AHI1: variants seen among roughly 807,000 people sequenced by gnomAD.
AHI1 encodes the protein jouberin.
AHI1 carries 123 observed loss-of-function variants against 149.3 expected under a neutral mutation model. The observed-to-expected ratio is 0.82, with a 90% CI of 0.71 to 0.96. The LOEUF is 0.96. AHI1 is among the 40% of genes least tolerant of loss of function. The probability of loss-of-function intolerance (pLI) is 0.00; values close to 1 mark genes in which losing one functional copy is unlikely to be tolerated. For missense variants in AHI1, 1,439 were observed against 1,422.7 expected, an observed-to-expected ratio of 1.01 and a Z score of -0.18; for synonymous variants, 475 against 459.8, an observed-to-expected ratio of 1.03 and a Z score of -0.42.
intron 21 of AHI1, among the ~76,000 whole-genome samples, chr6:135,409,216 T>G (rs933830140): frequency 2.0e-5 from 3 of 152,182 alleles, no homozygotes; most frequent in East Asian, 3.8e-4. Flanking sequence ...CTGGTGTTTG[T>G]TGCACATATA....
In AHI1 at chr6:135,326,376, A is replaced by G. The variant is rs1787686166; in HGVS notation, c.3166-3052T>C. On this transcript the variant is annotated intron_variant, in intron 24 of 28. Transcript: ENST00000265602. ...AGAAACCGACTGTGCTAGCACCTTG[A>G]TCTTGGTCTTCTAGCCTCCAGAATT... Among the ~76,000 whole-genome samples, 3 of 152,148 alleles carry G rather than the reference A, an allele frequency of 2.0e-5. No homozygotes were observed. In the South Asian group the frequency reaches 6.2e-4, roughly 32 times the overall value.
chr6:135,495,068 C>G (rs1293035323), intron 3 of AHI1, among the ~76,000 whole-genome samples: 1 of 151,964 alleles, frequency 6.6e-6, no homozygotes, highest in Non-Finnish European at 1.5e-5. Flanking sequence ...CAACTGTCTT[C>G]CCATCACCCC....
Position 135,424,480 on chromosome 6 carries a change from T to C in AHI1, c.2764+2687A>G, listed in dbSNP as rs1783664639. ...TTCTCTGACTAGTACTCTGTTATTATGGGAATCCTAAAAGTACATTATTTG... is the reference window on the plus strand; with the variant it reads ...TTCTCTGACTAGTACTCTGTTATTACGGGAATCCTAAAAGTACATTATTTG... On this transcript the variant is annotated intron_variant, in intron 20 of 28. Coordinates refer to ENST00000265602, the MANE Select transcript of AHI1 (RefSeq NM_001134831.2). 1.3e-5 allele frequency among the ~76,000 whole-genome samples: 2 copies of C among 152,056 alleles called. 1 individual carries two copies. Among genetic ancestry groups the C allele is most frequent in the South Asian group, 4.1e-4 (2 of 4,838 alleles).
chr6:135,429,000 T>C (rs1006881885), intron 18 of AHI1, among the ~76,000 whole-genome samples: 1 of 151,644 alleles, frequency 6.6e-6, no homozygotes, highest in Admixed American at 6.6e-5. Context: ...AGAAGGTGGA[T>C]GTAGAACATA....
At chr6:135,491,508 C>A (rs1795244750) in intron 4 of AHI1, among the ~76,000 whole-genome samples, 1 of 152,184 alleles carries the variant, frequency 6.6e-6, no homozygotes, top group African/African-American at 2.4e-5. Context: ...ACAAACTCAT[C>A]TAATTTTCCC....
chr6:135,285,528 G>T lies in AHI1; in HGVS notation c.*117C>A. ...GAGTCATTCATAAGAACAAGAAGTAGTGGATCCTTTCTTCCTCCTTAGTAT... is the reference window on the plus strand; with the variant it reads ...GAGTCATTCATAAGAACAAGAAGTATTGGATCCTTTCTTCCTCCTTAGTAT... On this transcript the variant is annotated 3_prime_UTR_variant, in exon 29 of 29. Coordinates refer to ENST00000265602, the MANE Select transcript of AHI1 (RefSeq NM_001134831.2). 1 of 1,084,564 alleles carries T rather than the reference G, an allele frequency of 9.2e-7. No homozygotes were observed. The highest frequency in any genetic ancestry group is 1.4e-6 in the Non-Finnish European group (1 of 726,762). The allele number at this position is 1,084,564 out of a possible 1,614,324, so 67.2% of individuals were successfully genotyped here. A position where few individuals can be genotyped will look rare whatever the true frequency, so the allele number is the denominator to read the frequency against.
intron 20 of AHI1, among the ~76,000 whole-genome samples, chr6:135,413,604 G>C (rs561590700): frequency 2.6e-4 from 39 of 152,112 alleles, no homozygotes; most frequent in African/African-American, 8.7e-4. Context: ...CTCCATATCT[G>C]TGTAAAAATT....
chr6:135,491,901 C>T (rs1795305069), intron 4 of AHI1, among the ~76,000 whole-genome samples: 2 of 152,098 alleles, frequency 1.3e-5, no homozygotes, highest in East Asian at 1.9e-4. Context: ...ACTAGCTAGC[C>T]CTTTTAGAAA....
intron 23 of AHI1, among the ~76,000 whole-genome samples, chr6:135,367,988 A>T (rs1279420911): frequency 6.6e-6 from 1 of 152,156 alleles, no homozygotes; most frequent in African/African-American, 2.4e-5. Context: ...ATTATGTCAG[A>T]GGGGAAGATC....
chr6:135,465,084 T>C (rs183072888), intron 7 of AHI1, among the ~76,000 whole-genome samples: 44 of 152,314 alleles, frequency 2.9e-4, no homozygotes, highest in Admixed American at 2.6e-3. Context: ...GGGGAATTAT[T>C]TTTGGCTGAG....
chr6:135,351,762 T>C (rs17064452), intron 24 of AHI1, among the ~76,000 whole-genome samples: 2,016 of 152,308 alleles, frequency 0.013, 43 homozygotes, highest in African/African-American at 0.046. Context: ...ATGATCATAT[T>C]TGTGCTTTGG....
intron 11 of AHI1, among the ~76,000 whole-genome samples, chr6:135,449,269 T>G (rs921360830): frequency 8.5e-5 from 13 of 152,102 alleles, no homozygotes; most frequent in Non-Finnish European, 1.5e-5. Context: ...AGGCTGGTCT[T>G]GAACTCCTGG....
At chr6:135,353,459 A>G (rs1202453589) in intron 24 of AHI1, among the ~76,000 whole-genome samples, 1 of 152,118 alleles carries the variant, frequency 6.6e-6, no homozygotes, top group East Asian at 1.9e-4. Context: ...AATAAAGGAC[A>G]TTTCACTTAA....
At chr6:135,420,077 T>C (rs1782935637) in intron 20 of AHI1, among the ~76,000 whole-genome samples, 1 of 152,176 alleles carries the variant, frequency 6.6e-6, no homozygotes, top group Non-Finnish European at 1.5e-5. Flanking sequence ...CTACTTCTAA[T>C]TCTAGTTCTC....
chr6:135,334,118 T>C (rs1275547555), intron 24 of AHI1, among the ~76,000 whole-genome samples: 1 of 152,226 alleles, frequency 6.6e-6, no homozygotes, highest in African/African-American at 2.4e-5. Flanking sequence ...ACTTTCCAAG[T>C]TAGACTGAAC....
At chr6:135,455,358 T>A (rs1334224607) in intron 10 of AHI1, among the ~76,000 whole-genome samples, 1 of 152,162 alleles carries the variant, frequency 6.6e-6, no homozygotes, top group African/African-American at 2.4e-5. Context: ...TTTATCCAGG[T>A]GGTACACATA....
chr6:135,436,897 C>T (rs1173284764), intron 15 of AHI1, among the ~76,000 whole-genome samples: 12 of 152,202 alleles, frequency 7.9e-5, no homozygotes, highest in African/African-American at 2.4e-4. Flanking sequence ...CCACTGCGCC[C>T]GGCCCATTTG....
At chr6:135,318,215 G>C (rs1396940962) in intron 26 of AHI1, among the ~76,000 whole-genome samples, 2 of 152,222 alleles carry the variant, frequency 1.3e-5, no homozygotes. Context: ...CAGTATCACA[G>C]TTAAAGAAAT....
rs1216607528 is a variant in AHI1, at chr6:135,490,611, T to C, written c.135+12A>G. The C allele has an allele frequency of 6.2e-7, 1 of 1,613,576 alleles. No individual in the cohort carries two copies. ...TATGTAAATCACTATTACCCAATGA[T>C]CATTTACTTACTGAGATGTTTTCTT... On this transcript the variant is annotated intron_variant, in intron 5 of 28. Coordinates refer to ENST00000265602, the MANE Select transcript of AHI1 (RefSeq NM_001134831.2).
Sources: allele counts gnomAD v4.1 joint callset (sites outside exome capture counted in the v4.1 genomes callset), GRCh38; gene constraint gnomAD v4.1.1; transcripts MANE v1.5; gene names NCBI Gene and HGNC (gene_info 2026-07-23, HGNC 2026-07-21).